Variants in MTCL1 observed in about 807,000 individuals in gnomAD.
The protein encoded by MTCL1 is microtubule crosslinking factor 1.
Under a neutral mutation model 141.4 loss-of-function variants are expected in MTCL1, and 79 were observed. That is an observed-to-expected ratio of 0.56 (90% CI 0.47 to 0.67). MTCL1 has a LOEUF of 0.67. Ranked by LOEUF, MTCL1 falls within the 30% of genes least tolerant of loss-of-function variation. The pLI, the probability that MTCL1 is intolerant of heterozygous loss-of-function variation, is 0.00. For missense variants in MTCL1, 2,177 were observed against 2,113.9 expected, an observed-to-expected ratio of 1.03 and a Z score of -0.59; for synonymous variants, 914 against 875.8, an observed-to-expected ratio of 1.04 and a Z score of -0.77.
chr18:8,757,800 GC>G (rs758400607), intron 4 of MTCL1, among the ~76,000 whole-genome samples: 3 of 152,152 alleles, frequency 2.0e-5, no homozygotes, highest in Non-Finnish European at 4.4e-5. Flanking sequence ...GGTGTTAAAT[GC>G]TATCATTGTC....
At chr18:8,786,160 C>T (rs779047272) in intron 7 of MTCL1, 69 bp downstream of exon 6, 14 of 1,336,924 alleles carry the variant, frequency 1.0e-5, no homozygotes, top group Admixed American at 2.5e-5. Flanking sequence ...GGCTGTGTGA[C>T]GTTTTCTGTC....
chr18:8,832,054 A>G, exon 17 of MTCL1: 1 of 556,454 alleles, frequency 1.8e-6, no homozygotes, highest in South Asian at 2.2e-5. Context: ...TCTTTTTTAC[A>G]CACAGTATAT....
Position 8,783,515 on chromosome 18 carries a change from G to A in MTCL1, c.418-15G>A, listed in dbSNP as rs764954478. On this transcript the variant is annotated splice_polypyrimidine_tract_variant and intron_variant, in intron 5 of 16. Transcript: ENST00000359865. The stretch of plus-strand genomic sequence containing the variant: ...TTTCAAATAACCCTTCTCCCGGGCT[G>A]TTCTCTCCTGGCAGGATGACAGTGC... 4 of 1,580,542 alleles carry A rather than the reference G, an allele frequency of 2.5e-6. No homozygotes were observed. The South Asian group carries it at 3.4e-5, about 13-fold the overall frequency.
At chr18:8,813,115 A>C in exon 12 of MTCL1, 3 of 1,614,248 alleles carry the variant, frequency 1.9e-6, no homozygotes, top group Non-Finnish European at 2.5e-6. Flanking sequence ...CTGCGCTGGC[A>C]GATCCATCAC....
intron 4 of MTCL1, among the ~76,000 whole-genome samples, chr18:8,773,301 C>T (rs1369436799): frequency 6.6e-6 from 1 of 152,052 alleles, no homozygotes; most frequent in African/African-American, 2.4e-5. Flanking sequence ...ACAGAAGTGC[C>T]CGTCTCCCTG....
At chr18:8,761,720 G>A (rs758516290) in intron 4 of MTCL1, among the ~76,000 whole-genome samples, 2 of 152,164 alleles carry the variant, frequency 1.3e-5, no homozygotes, top group Admixed American at 6.5e-5. Context: ...CTTACATGGC[G>A]GCAGACAAGA....
rs1233866915 is a variant in MTCL1 at position 8,784,094 on chromosome 18, G to A, written c.982G>A (p.Ala328Thr). ...GCTAGGAGAGGGTGCAAGTCCTGGT[G>A]CCGGGGGTGGGGCCCCCCTGCAGGA... Residue 328 changes from alanine to threonine, a missense_variant, in exon 6 of 17, where the codon GCC becomes ACC. Coordinates refer to ENST00000359865, the Ensembl canonical transcript of MTCL1. The A allele has an allele frequency of 6.2e-7, 1 of 1,613,380 alleles. No individual in the cohort carries two copies.
At chr18:8,788,086 G>T (rs1456111508) in intron 7 of MTCL1, among the ~76,000 whole-genome samples, 1 of 152,126 alleles carries the variant, frequency 6.6e-6, no homozygotes, top group Non-Finnish European at 1.5e-5. Context: ...TTCCCATGAG[G>T]CTCTAATGGA....
At chr18:8,766,039 G>A (rs951029947) in intron 4 of MTCL1, among the ~76,000 whole-genome samples, 1 of 152,058 alleles carries the variant, frequency 6.6e-6, no homozygotes, top group Non-Finnish European at 1.5e-5. Context: ...ACCCACAGGA[G>A]GTCTTCTGGA....
intron 4 of MTCL1, among the ~76,000 whole-genome samples, chr18:8,739,130 A>G (rs1332414991): frequency 6.6e-6 from 1 of 152,168 alleles, no homozygotes; most frequent in Non-Finnish European, 1.5e-5. Context: ...CTATAGTCTC[A>G]GCTACTTGGG....
In MTCL1 at chr18:8,822,009, T is replaced by C. The variant is rs2076861053; in HGVS notation, c.3188+511T>C. Among the ~76,000 whole-genome samples the C allele has an allele frequency of 6.6e-6, 1 of 152,232 alleles. No individual in the cohort carries two copies. On this transcript the variant is annotated intron_variant, in intron 14 of 16. Coordinates refer to ENST00000359865, the Ensembl canonical transcript of MTCL1. This position sits in a 1 kb window ranked among gnomAD's most constrained non-coding sequence, Gnocchi z 4.6. Reference sequence around the variant, plus strand: ...TTTAATTTCCTCCAGTTTTACTTTTTCATCATTCTCCAAATGAATACATAC... The same window carrying C: ...TTTAATTTCCTCCAGTTTTACTTTTCCATCATTCTCCAAATGAATACATAC...
rs1315919964 is a variant in MTCL1 at position 8,810,527 on chromosome 18, G to A, written c.2605-2452G>A. 6.6e-6 allele frequency among the ~76,000 whole-genome samples: 1 copy of A among 152,170 alleles called. No individual in the cohort carries two copies. The highest frequency in any genetic ancestry group is 1.9e-4 in the East Asian group (1 of 5,192). On this transcript the variant is annotated intron_variant, in intron 11 of 16. Transcript: ENST00000359865. The surrounding 1 kb of genome is among the most constrained non-coding windows in gnomAD (Gnocchi z 5.0). The stretch of plus-strand genomic sequence containing the variant: ...CAGAAGTGATGTGGGGCCCAGGAAG[G>A]GGTACGCTGCATGAGGAGATTCTAA...
At chr18:8,795,493 A>G (rs2075886159) in intron 8 of MTCL1, among the ~76,000 whole-genome samples, 1 of 152,258 alleles carries the variant, frequency 6.6e-6, no homozygotes, top group Non-Finnish European at 1.5e-5. Flanking sequence ...GTATTGATAC[A>G]CAATAATTGT....
At chr18:8,790,608 T>C (rs1301844898) in intron 7 of MTCL1, among the ~76,000 whole-genome samples, 4 of 152,208 alleles carry the variant, frequency 2.6e-5, no homozygotes, top group African/African-American at 4.8e-5. Flanking sequence ...CTGGAGGTGC[T>C]CAATAAATAT....
intron 4 of MTCL1, among the ~76,000 whole-genome samples, chr18:8,765,566 G>A (rs557239222): frequency 5.9e-5 from 9 of 152,300 alleles, no homozygotes; most frequent in South Asian, 4.1e-4. Flanking sequence ...CACACTGCCC[G>A]TCCTCGGGAA....
At chr18:8,757,915 G>A (rs2096410281) in intron 4 of MTCL1, among the ~76,000 whole-genome samples, 1 of 152,004 alleles carries the variant, frequency 6.6e-6, no homozygotes, top group Non-Finnish European at 1.5e-5. Context: ...TTTAAAGACT[G>A]ACTTGTCAGC....
At chr18:8,791,670 C>T (rs1171592147) in intron 7 of MTCL1, among the ~76,000 whole-genome samples, 4 of 151,958 alleles carry the variant, frequency 2.6e-5, no homozygotes, top group Admixed American at 6.6e-5. Context: ...AATAATAGAC[C>T]TTTTGGAAAT....
chr18:8,775,432 G>A (rs896632466), intron 4 of MTCL1, among the ~76,000 whole-genome samples: 3 of 144,282 alleles, frequency 2.1e-5, no homozygotes, highest in East Asian at 2.1e-4. Context: ...AAAAAGCTGC[G>A]CATGGTGGTG....
chr18:8,796,462 G>A, exon 9 of MTCL1: 1 of 1,614,066 alleles, frequency 6.2e-7, no homozygotes, highest in Non-Finnish European at 8.5e-7. Flanking sequence ...AGTTCACTGA[G>A]GTAACTCCAC....
Sources: allele counts gnomAD v4.1 joint callset (sites outside exome capture counted in the v4.1 genomes callset), GRCh38; gene constraint gnomAD v4.1.1; non-coding constraint Gnocchi (gnomAD v3.1); transcripts MANE v1.5; gene names NCBI Gene and HGNC (gene_info 2026-07-23, HGNC 2026-07-21).